Variants in BIRC6 observed in about 807,000 individuals in gnomAD.
The protein encoded by BIRC6 is baculoviral IAP repeat containing 6, also known as dual E2 ubiquitin-conjugating enzyme/E3 ubiquitin-protein ligase BIRC6.
BIRC6 carries 98 observed loss-of-function variants against 503.3 expected under a neutral mutation model. That is an observed-to-expected ratio of 0.19 (90% CI 0.17 to 0.23). The LOEUF (loss-of-function observed/expected upper bound fraction) is 0.23, where lower values mean the gene tolerates loss of function less well. Among genes scored for constraint, BIRC6 ranks in the 10% least tolerant of loss-of-function variants. BIRC6 has a pLI of 1.00. For missense variants in BIRC6, 5,360 were observed against 5,806.0 expected (o/e 0.92, Z 2.50); for synonymous variants, 2,240 against 2,078.7 (o/e 1.08, Z -2.11).
intron 73 of BIRC6, among the ~76,000 whole-genome samples, chr2:32,617,339 T>G (rs1293407594): frequency 6.6e-6 from 1 of 152,016 alleles, no homozygotes; most frequent in African/African-American, 2.4e-5. Context: ...AGGCGGAGGT[T>G]GCAATGAGCT....
intron 24 of BIRC6, 45 bp from the exon 25 acceptor site, chr2:32,464,460 TTAGG>T: frequency 6.7e-7 from 1 of 1,485,440 alleles, no homozygotes; most frequent in Non-Finnish European, 9.0e-7. Flanking sequence ...CTGCCACAAT[TTAGG>T]TAGGCAGGAT....
chr2:32,531,041 T>G (rs746352426), intron 60 of BIRC6, among the ~76,000 whole-genome samples: 7 of 152,244 alleles, frequency 4.6e-5, no homozygotes, highest in Non-Finnish European at 1.5e-5. Flanking sequence ...CTTCTCAAAC[T>G]TCAGTATGCT....
intron 35 of BIRC6, among the ~76,000 whole-genome samples, chr2:32,478,324 G>A (rs1376225698): frequency 6.6e-6 from 1 of 152,042 alleles, no homozygotes; most frequent in Non-Finnish European, 1.5e-5. Context: ...GCGACAGACC[G>A]AGACTGTCTC....
At chr2:32,425,043 T>A (rs2043331361) in intron 10 of BIRC6, among the ~76,000 whole-genome samples, 1 of 152,294 alleles carries the variant, frequency 6.6e-6, no homozygotes, top group Admixed American at 6.5e-5. Flanking sequence ...TATTGGTGAT[T>A]TGTATTTCTA....
chr2:32,539,399 T>C (rs1271562376), intron 61 of BIRC6, among the ~76,000 whole-genome samples: 1 of 152,220 alleles, frequency 6.6e-6, no homozygotes, highest in African/African-American at 2.4e-5. Context: ...GATGTACTTC[T>C]TTCCAAAGAA....
In BIRC6 at chr2:32,515,049, A is replaced by G. The variant is rs977684108; in HGVS notation, c.10628A>G (p.Asp3543Gly). ...AATATGGTTTTGAAGAAAGCTGTTG[A>G]CAGTCTACTTTGCTCAATGTGTCAC... ...PCNMVLKKAVDSLLCSMCHVH... is the reference protein window; with the variant it reads ...PCNMVLKKAVGSLLCSMCHVH... The change falls in exon 55 of 74, where the codon GAC (aspartate) becomes GGC (glycine). Residue 3543 changes from aspartate (D) to glycine (G), a missense_variant. This residue lies in a region of BIRC6 where 878 missense variants were observed against 928.9 expected (regional missense o/e 0.95). Coordinates refer to ENST00000421745, the MANE Select transcript of BIRC6 (RefSeq NM_016252.4). 1 of 1,613,954 alleles carries G rather than the reference A, an allele frequency of 6.2e-7. No individual in the cohort carries two copies. The highest frequency in any genetic ancestry group is 2.2e-5 in the East Asian group (1 of 44,872).
At chr2:32,388,971 G>A (rs1381269028) in intron 4 of BIRC6, 28 bp downstream of exon 4, 3 of 1,329,850 alleles carry the variant, frequency 2.3e-6, no homozygotes, top group Non-Finnish European at 2.9e-6. Context: ...AAAGGTGACA[G>A]TGAGATAGAA....
At chr2:32,555,741 C>T (rs1457699112) in intron 65 of BIRC6, among the ~76,000 whole-genome samples, 3 of 151,914 alleles carry the variant, frequency 2.0e-5, no homozygotes, top group Non-Finnish European at 4.4e-5. Flanking sequence ...GAGGCTGAAG[C>T]GTGAGGATCA....
intron 65 of BIRC6, among the ~76,000 whole-genome samples, chr2:32,559,394 C>G (rs923481257): frequency 1.3e-5 from 2 of 152,192 alleles, no homozygotes; most frequent in Admixed American, 1.3e-4. Context: ...TGTTCTTTGT[C>G]AGGCAGGCGC....
chr2:32,526,049 G>C (rs1410076774), intron 59 of BIRC6, among the ~76,000 whole-genome samples: 1 of 152,134 alleles, frequency 6.6e-6, no homozygotes, highest in Non-Finnish European at 1.5e-5. Context: ...GCACCATCCT[G>C]TCTGTTGTTC....
intron 60 of BIRC6, 41 bp from the exon 61 acceptor site, chr2:32,531,314 C>A: frequency 1.4e-6 from 2 of 1,469,606 alleles, no homozygotes; most frequent in Non-Finnish European, 1.8e-6. Context: ...TAAAAATATA[C>A]CCTTTCTTAC....
chr2:32,370,036 G>A (rs1046838577), intron 1 of BIRC6, among the ~76,000 whole-genome samples: 6 of 127,032 alleles, frequency 4.7e-5, no homozygotes, highest in African/African-American at 1.5e-4. Flanking sequence ...GTATATATAT[G>A]TATGTATATA....
chr2:32,368,860 C>G (rs1006485029), intron 1 of BIRC6, among the ~76,000 whole-genome samples: 1 of 152,186 alleles, frequency 6.6e-6, no homozygotes, highest in Non-Finnish European at 1.5e-5. Context: ...CCATGTTGGC[C>G]AGGCTGGTCT....
In BIRC6 at chr2:32,494,525, C is replaced by T. The variant is rs1440498425; in HGVS notation, c.8468+858C>T. 5.3e-5 allele frequency among the ~76,000 whole-genome samples: 8 copies of T among 151,526 alleles called. No individual in the cohort carries two copies. In the East Asian group the frequency reaches 9.7e-4, roughly 18 times the overall value. On this transcript the variant is annotated intron_variant, in intron 45 of 73. Transcript: ENST00000421745. Reference sequence around the variant, plus strand: ...ACAGGTGTGAGCCACTGTGCCTGGCCGAAAAGTTTTAATGAATTATAAAGT... The same window carrying T: ...ACAGGTGTGAGCCACTGTGCCTGGCTGAAAAGTTTTAATGAATTATAAAGT...
intron 16 of BIRC6, 76 bp downstream of exon 16, chr2:32,439,762 T>C: frequency 1.5e-6 from 2 of 1,303,144 alleles, no homozygotes; most frequent in Middle Eastern, 3.8e-4. Context: ...CTATTAGAAG[T>C]AGTATGACCT....
chr2:32,485,196 GT>G (rs995036864), intron 39 of BIRC6, among the ~76,000 whole-genome samples: 2 of 152,254 alleles, frequency 1.3e-5, no homozygotes, highest in Admixed American at 1.3e-4. Context: ...GGGAGTATGT[GT>G]TTGTGTGTGC....
chr2:32,460,245 G>A (rs1048642949), intron 23 of BIRC6, among the ~76,000 whole-genome samples: 1 of 30,976 alleles, frequency 3.2e-5, no homozygotes, highest in South Asian at 1.9e-3. Context: ...TCTCGTATAT[G>A]ATATATATAT....
Position 32,463,289 on chromosome 2 carries a change from T to C in BIRC6, c.4849T>C (p.Leu1617=), listed in dbSNP as rs144274923. The change falls in exon 24 of 74, where the codon TTG becomes CTG. Residue 1617 remains leucine, a synonymous_variant. Coordinates refer to ENST00000421745, the MANE Select transcript of BIRC6 (RefSeq NM_016252.4). ...TALSSAAQVA[L]QSLSHAMASA... ...CCTGAGTTCAGCAGCCCAGGTAGCTTTGCAGTCTCTCTCTCATGCAATGGC... is the reference window on the plus strand; with the variant it reads ...CCTGAGTTCAGCAGCCCAGGTAGCTCTGCAGTCTCTCTCTCATGCAATGGC... The C allele has an allele frequency of 2.4e-4, 392 of 1,613,710 alleles. No individual in the cohort carries two copies. Among genetic ancestry groups the C allele is most frequent in the Non-Finnish European group, 2.8e-4 (328 of 1,179,842 alleles).
chr2:32,377,911 A>G (rs1257311939), intron 2 of BIRC6, 142 bp downstream of exon 2: 2 of 704,234 alleles, frequency 2.8e-6, no homozygotes, highest in South Asian at 2.4e-5. Context: ...CCACAACTTC[A>G]TTTAAATATT....
Sources: allele counts gnomAD v4.1 joint callset (sites outside exome capture counted in the v4.1 genomes callset), GRCh38; gene constraint gnomAD v4.1.1; regional missense constraint gnomAD v4.1.1; transcripts MANE v1.5; gene names NCBI Gene and HGNC (gene_info 2026-07-23, HGNC 2026-07-21).